The following SGCE variants were observed in gnomAD, a reference collection of about 807,000 sequenced individuals.
SGCE encodes the protein sarcoglycan epsilon.
Under a neutral mutation model 57.8 loss-of-function variants are expected in SGCE, and 26 were observed. The ratio of observed to expected loss-of-function variants is 0.45; its 90% confidence interval spans 0.33 to 0.62. The LOEUF (loss-of-function observed/expected upper bound fraction) is 0.62, where lower values mean the gene tolerates loss of function less well. SGCE is among the 20% of genes least tolerant of loss of function. The pLI, the probability that SGCE is intolerant of heterozygous loss-of-function variation, is 0.02. For synonymous variants in SGCE, 183 were observed against 189.5 expected, an observed-to-expected ratio of 0.97 and a Z score of 0.28; for missense variants, 468 against 548.6, an observed-to-expected ratio of 0.85 and a Z score of 1.47.
chr7:94,614,187 G>A (rs1233176521), intron 5 of SGCE, among the ~76,000 whole-genome samples: 1 of 148,782 alleles, frequency 6.7e-6, no homozygotes, highest in Non-Finnish European at 1.5e-5. Context: ...CTATTCCTTA[G>A]AGACCTAAAT....
intron 1 of SGCE, among the ~76,000 whole-genome samples, chr7:94,649,566 T>A (rs551863690): frequency 1.3e-5 from 2 of 152,330 alleles, no homozygotes; most frequent in East Asian, 3.9e-4. Context: ...CTTGGAAATA[T>A]GAACTCAGCC....
chr7:94,600,880 CACA>C, intron 6 of SGCE, 23 bp from the exon 7 acceptor site: 1 of 1,558,120 alleles, frequency 6.4e-7, no homozygotes, highest in Admixed American at 1.7e-5. Context: ...AAGACAATTA[CACA>C]ACAAATTAAT....
chr7:94,610,497 C>A (rs894963034), intron 5 of SGCE, among the ~76,000 whole-genome samples: 9 of 152,060 alleles, frequency 5.9e-5, no homozygotes, highest in East Asian at 1.9e-4. Flanking sequence ...CCTAAAAATT[C>A]TCTTAAAAAT....
chr7:94,649,388 C>A (rs1807564571), intron 1 of SGCE, among the ~76,000 whole-genome samples: 1 of 152,132 alleles, frequency 6.6e-6, no homozygotes, highest in Admixed American at 6.5e-5. Flanking sequence ...ATTTATTTCC[C>A]AAGGTAACAT....
Position 94,600,761 on chromosome 7 carries a change from A to G in SGCE, c.922T>C (p.Leu308=). The G allele has an allele frequency of 2.5e-6, 4 of 1,613,758 alleles. No homozygotes were observed. The highest frequency in any genetic ancestry group is 1.1e-5 in the South Asian group (1 of 91,054). ...GGEYKPPSDS[L]KSRDYYTDFL... The stretch of plus-strand genomic sequence containing the variant: ...TCCGTGTAATAGTCTCTGCTTTTCA[A>G]AGAATCAGAAGGGGGTTTGTATTCT... Residue 308 remains leucine, a synonymous_variant, in exon 7 of 11, where the codon TTG becomes CTG. Transcript: ENST00000648936.
At chr7:94,639,025 A>G (rs1044488850) in intron 1 of SGCE, among the ~76,000 whole-genome samples, 2 of 152,218 alleles carry the variant, frequency 1.3e-5, no homozygotes, top group African/African-American at 4.8e-5. Context: ...TATAGTAACC[A>G]CAGTAGGACA....
At chr7:94,586,738 G>A in intron 10 of SGCE, 1 of 590,446 alleles carries the variant, frequency 1.7e-6, no homozygotes, top group Non-Finnish European at 2.1e-6. Context: ...CTGACCTCAG[G>A]TGATCCGCCT....
chr7:94,603,650 A>C (rs1799619802), intron 5 of SGCE, among the ~76,000 whole-genome samples, 198 bp from the exon 6 acceptor site: 1 of 152,030 alleles, frequency 6.6e-6, no homozygotes, highest in Non-Finnish European at 1.5e-5. Context: ...ACCAATATTT[A>C]CTGAGTGCTT....
At chr7:94,602,395 G>A (rs1301206723) in intron 6 of SGCE, among the ~76,000 whole-genome samples, 1 of 152,116 alleles carries the variant, frequency 6.6e-6, no homozygotes, top group Non-Finnish European at 1.5e-5. Context: ...TGAGTAATAT[G>A]TTCTCCAGGA....
intron 1 of SGCE, among the ~76,000 whole-genome samples, chr7:94,642,814 C>T (rs1202862331): frequency 6.6e-6 from 1 of 152,202 alleles, no homozygotes; most frequent in Non-Finnish European, 1.5e-5. Context: ...GTGGATATGA[C>T]AAGCAACATT....
chr7:94,631,303 T>G (rs893175709), intron 1 of SGCE, among the ~76,000 whole-genome samples: 12 of 151,804 alleles, frequency 7.9e-5, no homozygotes, highest in African/African-American at 2.9e-4. Flanking sequence ...TTATACTTTT[T>G]TTTTTTTACC....
At chr7:94,645,521 G>T (rs555621777) in intron 1 of SGCE, among the ~76,000 whole-genome samples, 60 of 152,284 alleles carry the variant, frequency 3.9e-4, no homozygotes, top group African/African-American at 1.4e-3. Context: ...TTACAGCAAG[G>T]CTTTAAATGA....
intron 3 of SGCE, chr7:94,625,280 T>C (rs1261724412): frequency 2.0e-5 from 3 of 152,054 alleles, no homozygotes; most frequent in Non-Finnish European, 2.9e-5. Flanking sequence ...TAAAATACTA[T>C]ACCTGTTACT....
chr7:94,599,498 T>C, intron 8 of SGCE, 199 bp downstream of exon 8: 1 of 584,928 alleles, frequency 1.7e-6, no homozygotes, highest in Non-Finnish European at 3.0e-6. Flanking sequence ...ATCTGTGTAA[T>C]CTTAGTTTTC....
chr7:94,588,403 G>A, intron 10 of SGCE: 1 of 1,206,022 alleles, frequency 8.3e-7, no homozygotes, highest in South Asian at 2.1e-5. Context: ...GGGAAGAATA[G>A]GGAACTTCAC....
chr7:94,599,966 T>C (rs1398313115), intron 7 of SGCE: 3 of 372,650 alleles, frequency 8.1e-6, no homozygotes, highest in Middle Eastern at 7.2e-4. Flanking sequence ...AAGGCCTTGA[T>C]TGAAATAAAT....
intron 1 of SGCE, among the ~76,000 whole-genome samples, chr7:94,651,309 A>G (rs960737676): frequency 4.6e-5 from 7 of 152,232 alleles, no homozygotes; most frequent in Non-Finnish European, 1.0e-4. Flanking sequence ...CTTTTCAATT[A>G]ATCCATGGAT....
chr7:94,588,851 C>A, intron 9 of SGCE, 119 bp from the exon 10 acceptor site: 1 of 1,030,424 alleles, frequency 9.7e-7, no homozygotes, highest in Non-Finnish European at 1.5e-6. Context: ...TGTAATCCAG[C>A]ACAATTCCCC....
At chr7:94,654,438 G>A (rs1307452387) in intron 1 of SGCE, among the ~76,000 whole-genome samples, 1 of 152,176 alleles carries the variant, frequency 6.6e-6, no homozygotes, top group East Asian at 1.9e-4. Context: ...GAATTTGACA[G>A]CGGTCACCAG....
Sources: allele counts gnomAD v4.1 joint callset (sites outside exome capture counted in the v4.1 genomes callset), GRCh38; gene constraint gnomAD v4.1.1; transcripts MANE v1.5; gene names NCBI Gene and HGNC (gene_info 2026-07-23, HGNC 2026-07-21).